ADAMTSL1: variants seen among roughly 807,000 people sequenced by gnomAD.
ADAMTSL1 encodes the protein ADAMTS-like protein 1.
A neutral mutation model predicts 201.8 loss-of-function variants in ADAMTSL1; 126 were observed. That is an observed-to-expected ratio of 0.62 (90% CI 0.54 to 0.72). The LOEUF is 0.72. Among genes scored for constraint, ADAMTSL1 ranks in the 30% least tolerant of loss-of-function variants. The pLI, the probability that ADAMTSL1 is intolerant of heterozygous loss-of-function variation, is 0.00. For missense variants in ADAMTSL1, 2,679 were observed against 2,277.8 expected (o/e 1.18, Z -3.59); for synonymous variants, 1,121 against 903.4 (o/e 1.24, Z -4.32).
intron 2 of ADAMTSL1, among the ~76,000 whole-genome samples, chr9:18,297,448 G>C (rs1475123413): frequency 2.0e-5 from 3 of 151,106 alleles, no homozygotes; most frequent in African/African-American, 4.9e-5. Flanking sequence ...CAGTATTTGT[G>C]TTTTTATAAA....
intron 13 of ADAMTSL1, 165 bp downstream of exon 13, chr9:18,684,965 T>A (rs1331693987): frequency 7.2e-7 from 1 of 1,390,078 alleles, no homozygotes; most frequent in Non-Finnish European, 9.3e-7. Context: ...AAAGTGTTTG[T>A]CAAAGCTGAT....
chr9:18,354,386 A>G (rs931533837), intron 2 of ADAMTSL1, among the ~76,000 whole-genome samples: 3 of 152,204 alleles, frequency 2.0e-5, no homozygotes, highest in Non-Finnish European at 4.4e-5. Context: ...AACAAATGAT[A>G]TAACCCCATA....
intron 2 of ADAMTSL1, among the ~76,000 whole-genome samples, chr9:18,226,060 G>T (rs768617018): frequency 7.2e-5 from 11 of 152,038 alleles, no homozygotes; most frequent in Admixed American, 2.6e-4. Flanking sequence ...ATTAATTTAG[G>T]TTAATATTTA....
At chr9:18,813,360 G>A (rs1223379691) in intron 20 of ADAMTSL1, among the ~76,000 whole-genome samples, 1 of 152,204 alleles carries the variant, frequency 6.6e-6, no homozygotes, top group African/African-American at 2.4e-5. Context: ...TTTTTGTAAA[G>A]AGTGTCATTT....
At chr9:17,915,500 A>G (rs1336996248) in intron 1 of ADAMTSL1, among the ~76,000 whole-genome samples, 1 of 152,198 alleles carries the variant, frequency 6.6e-6, no homozygotes, top group East Asian at 1.9e-4. Flanking sequence ...CACTTTTGCT[A>G]TTACAAATAA....
intron 2 of ADAMTSL1, among the ~76,000 whole-genome samples, chr9:18,235,152 C>T (rs1046859534): frequency 1.3e-5 from 2 of 152,122 alleles, no homozygotes; most frequent in Admixed American, 1.3e-4. Flanking sequence ...CACATCATGT[C>T]TCCCTAGGCT....
At chr9:18,059,685 C>G (rs774290643) in intron 1 of ADAMTSL1, among the ~76,000 whole-genome samples, 2 of 152,146 alleles carry the variant, frequency 1.3e-5, no homozygotes, top group Non-Finnish European at 2.9e-5. Flanking sequence ...AATGATTGCT[C>G]TTGACCTTGT....
At chr9:18,487,274 G>A (rs934370643) in intron 1 of ADAMTSL1, among the ~76,000 whole-genome samples, 9 of 152,240 alleles carry the variant, frequency 5.9e-5, no homozygotes, top group South Asian at 2.1e-4. Context: ...TTGGAATCTC[G>A]TGTATAGAAT....
intron 2 of ADAMTSL1, among the ~76,000 whole-genome samples, chr9:18,216,071 G>A (rs536976192): frequency 3.7e-4 from 56 of 152,300 alleles, no homozygotes; most frequent in African/African-American, 1.3e-3. Flanking sequence ...ATTTTTAAAT[G>A]TGTTTCCCCC....
intron 15 of ADAMTSL1, among the ~76,000 whole-genome samples, chr9:18,743,369 AT>A (rs1818952802): frequency 6.6e-6 from 1 of 152,178 alleles, no homozygotes; most frequent in African/African-American, 2.4e-5. Flanking sequence ...GAGATGGTAA[AT>A]GTATATCTTG....
intron 1 of ADAMTSL1, among the ~76,000 whole-genome samples, chr9:18,097,836 G>A (rs549673950): frequency 2.0e-5 from 3 of 150,292 alleles, no homozygotes; most frequent in Admixed American, 1.3e-4. Flanking sequence ...AAATATATTT[G>A]TTCACTTTTT....
intron 4 of ADAMTSL1, among the ~76,000 whole-genome samples, chr9:18,604,956 C>G (rs968654144): frequency 2.0e-5 from 3 of 152,156 alleles, no homozygotes; most frequent in Non-Finnish European, 4.4e-5. Context: ...GTCTTTTACC[C>G]TTTAACAGCT....
rs191189420 is a variant in ADAMTSL1 at position 18,031,127 on chromosome 9, C to T, written c.87+124205C>T. On this transcript the variant is annotated intron_variant, in intron 1 of 29. Coordinates refer to the ADAMTSL1 transcript ENST00000680146. ...TCTTGAATTTTGTTAAGCTTCTTTG[C>T]CGTCCAGATTTTGAATTCTATGTCT... 2.6e-5 allele frequency among the ~76,000 whole-genome samples: 4 copies of T among 152,194 alleles called. No homozygotes were observed. In the South Asian group the frequency reaches 6.2e-4, roughly 24 times the overall value.
At chr9:17,999,522 A>G (rs1262771023) in intron 1 of ADAMTSL1, among the ~76,000 whole-genome samples, 1 of 152,006 alleles carries the variant, frequency 6.6e-6, no homozygotes, top group Non-Finnish European at 1.5e-5. Context: ...ACTATGCTCT[A>G]TTGAGATTTG....
chr9:18,603,376 C>T (rs867112560), intron 4 of ADAMTSL1, among the ~76,000 whole-genome samples: 1 of 151,588 alleles, frequency 6.6e-6, no homozygotes, highest in Non-Finnish European at 1.5e-5. Context: ...CTATGCTATG[C>T]TATGCTATGC....
chr9:18,495,760 G>C (rs1457015755), intron 1 of ADAMTSL1, among the ~76,000 whole-genome samples: 1 of 152,182 alleles, frequency 6.6e-6, no homozygotes, highest in Non-Finnish European at 1.5e-5. Flanking sequence ...GTGTGTGTGT[G>C]TGAAGGTGGG....
intron 3 of ADAMTSL1, among the ~76,000 whole-genome samples, chr9:18,536,327 A>C (rs1819771383): frequency 6.6e-6 from 1 of 152,086 alleles, no homozygotes; most frequent in Non-Finnish European, 1.5e-5. Context: ...GAACTACTTC[A>C]TCTCCAAAGA....
chr9:18,341,128 T>G (rs1835449052), intron 2 of ADAMTSL1, among the ~76,000 whole-genome samples: 1 of 152,108 alleles, frequency 6.6e-6, no homozygotes, highest in East Asian at 1.9e-4. Context: ...AGTCCCTATT[T>G]CAAACATCTT....
At chr9:18,175,974 A>G (rs1247080298) in intron 2 of ADAMTSL1, among the ~76,000 whole-genome samples, 2 of 136,934 alleles carry the variant, frequency 1.5e-5, no homozygotes, top group East Asian at 2.5e-4. Flanking sequence ...TTCAGAGGGT[A>G]GGATTTAGGG....
Sources: gnomAD v4.1 joint callset for allele counts (sites outside exome capture counted in the v4.1 genomes callset) on GRCh38, gnomAD v4.1.1 for gene constraint, MANE v1.5 for transcripts, NCBI Gene and HGNC (gene_info 2026-07-23, HGNC 2026-07-21) for gene names.